FSTL4: variants seen among roughly 807,000 people sequenced by gnomAD.
FSTL4 encodes the protein follistatin-related protein 4.
Under a neutral mutation model 78.2 loss-of-function variants are expected in FSTL4, and 28 were observed. The ratio of observed to expected loss-of-function variants is 0.36; its 90% CI spans 0.27 to 0.49. FSTL4 has a LOEUF of 0.49. FSTL4 is among the 20% of genes least tolerant of loss of function. The probability of loss-of-function intolerance (pLI) is 0.98; values close to 1 mark genes in which losing one functional copy is unlikely to be tolerated. For missense variants in FSTL4, 922 were observed against 1,084.9 expected, an observed-to-expected ratio of 0.85 and a Z score of 2.11; for synonymous variants, 422 against 440.5, an observed-to-expected ratio of 0.96 and a Z score of 0.53.
At chr5:133,282,891 C>G (rs1753041392) in intron 6 of FSTL4, among the ~76,000 whole-genome samples, 2 of 152,228 alleles carry the variant, frequency 1.3e-5, no homozygotes, top group South Asian at 4.1e-4. Context: ...AGACAACTTT[C>G]TCTAAACAAA....
the FSTL4 span, among the ~76,000 whole-genome samples, chr5:133,682,429 G>T: frequency 6.6e-6 from 1 of 152,216 alleles, no homozygotes; most frequent in African/African-American, 2.4e-5. Flanking sequence ...ATAGCATAAA[G>T]CCCCCATGTG....
the FSTL4 span, among the ~76,000 whole-genome samples, chr5:133,689,013 G>A: frequency 4.6e-5 from 7 of 152,222 alleles, no homozygotes; most frequent in East Asian, 5.8e-4. Flanking sequence ...GCAGAGCGTC[G>A]CTAAGACTCT....
At chr5:133,475,543 A>T (rs1478802966) in intron 3 of FSTL4, among the ~76,000 whole-genome samples, 1 of 152,206 alleles carries the variant, frequency 6.6e-6, no homozygotes, top group Admixed American at 6.5e-5. Flanking sequence ...ATTTATTTTC[A>T]ATAGCCCTGC....
intron 6 of FSTL4, among the ~76,000 whole-genome samples, chr5:133,295,647 C>T (rs540913562): frequency 2.6e-5 from 4 of 152,244 alleles, no homozygotes; most frequent in East Asian, 1.9e-4. Flanking sequence ...CCTTTCAAGC[C>T]GAAGACCTCC....
chr5:133,675,007 A>G, the FSTL4 span, among the ~76,000 whole-genome samples: 3 of 151,186 alleles, frequency 2.0e-5, no homozygotes, highest in African/African-American at 7.3e-5. Flanking sequence ...GGTGACACAC[A>G]ATGAAGAATC....
chr5:133,758,612 A>G, the FSTL4 span, among the ~76,000 whole-genome samples: 612 of 152,370 alleles, frequency 4.0e-3, 6 homozygotes, highest in African/African-American at 0.014. Context: ...ATTGATATTC[A>G]TTATAAATAA....
intron 2 of FSTL4, chr5:133,583,309 A>C: frequency 9.6e-6 from 4 of 416,360 alleles, no homozygotes; most frequent in South Asian, 6.6e-5. Context: ...AGATGGCCGA[A>C]TAGGAACAGC....
At chr5:133,701,370 T>C in the FSTL4 span, among the ~76,000 whole-genome samples, 9 of 134,690 alleles carry the variant, frequency 6.7e-5, no homozygotes, top group Admixed American at 4.7e-4. Flanking sequence ...GCCACTGCAC[T>C]CCAGCCCGGG....
In FSTL4 at chr5:133,225,197, T is replaced by A. The variant is rs776063078; in HGVS notation, c.1265A>T (p.Asp422Val). Reference protein sequence around the residue: ...TCIAKNEVGVDEDISSLFIED... With the variant: ...TCIAKNEVGVVEDISSLFIED... Reference sequence around the variant, plus strand: ...AATGAAGAGCGAGGAGATATCTTCATCCACACCCACTTCATTTTTGGCAAT... The same window carrying A: ...AATGAAGAGCGAGGAGATATCTTCAACCACACCCACTTCATTTTTGGCAAT... Residue 422 changes from aspartate to valine, a missense_variant, in exon 10 of 16, where the codon GAT becomes GTT. By Grantham distance (152) the Asp-to-Val change is radical (BLOSUM62 -3). Coordinates refer to ENST00000265342, the MANE Select transcript of FSTL4 (RefSeq NM_015082.2). The surrounding 1 kb of genome is among the most constrained non-coding windows in gnomAD (Gnocchi z 4.6). 64 of 1,614,206 alleles carry A rather than the reference T, an allele frequency of 4.0e-5. No individual in the cohort carries two copies. Among genetic ancestry groups the A allele is most frequent in the Non-Finnish European group, 5.3e-5 (63 of 1,180,024 alleles).
At chr5:133,650,249 GGAACCAAACTTCAACAT>G in the FSTL4 span, among the ~76,000 whole-genome samples, 1 of 152,052 alleles carries the variant, frequency 6.6e-6, no homozygotes, top group African/African-American at 2.4e-5. Context: ...CCCAACATCA[GGAACCAAACTTCAACAT>G]GAAGTTTGAG....
At chr5:133,229,583 T>A (rs1349785328) in intron 8 of FSTL4, among the ~76,000 whole-genome samples, 1 of 151,560 alleles carries the variant, frequency 6.6e-6, no homozygotes, top group Non-Finnish European at 1.5e-5. Context: ...GAAGAAAAAA[T>A]ATCCAAGAAC....
intron 6 of FSTL4, among the ~76,000 whole-genome samples, chr5:133,252,856 T>C (rs998136249): frequency 1.3e-5 from 2 of 152,148 alleles, no homozygotes; most frequent in Non-Finnish European, 2.9e-5. Context: ...GTCCCTCCGG[T>C]CCTCTGCTGG....
chr5:133,600,927 GGAAATAAGACTGTCTGCA>G (rs1239883799), intron 2 of FSTL4, among the ~76,000 whole-genome samples: 2 of 152,198 alleles, frequency 1.3e-5, no homozygotes, highest in Non-Finnish European at 2.9e-5. Flanking sequence ...GATTCTTCCA[GGAAATAAGACTGTCTGCA>G]GAAACTGCTA....
At chr5:133,689,005 A>G in the FSTL4 span, among the ~76,000 whole-genome samples, 55 of 152,298 alleles carry the variant, frequency 3.6e-4, no homozygotes, top group East Asian at 6.6e-3. Flanking sequence ...TGCTGCAGGC[A>G]GAGCGTCGCT....
At chr5:133,735,450 G>A in the FSTL4 span, among the ~76,000 whole-genome samples, 5 of 152,092 alleles carry the variant, frequency 3.3e-5, no homozygotes, top group South Asian at 2.1e-4. Flanking sequence ...GTGACAGAGC[G>A]AGACACCATC....
At chr5:133,374,287 C>T (rs1194533880) in intron 4 of FSTL4, among the ~76,000 whole-genome samples, 1 of 152,096 alleles carries the variant, frequency 6.6e-6, no homozygotes, top group Non-Finnish European at 1.5e-5. Flanking sequence ...ACGAGAAGTC[C>T]CTTTCTGGAC....
intron 3 of FSTL4, chr5:133,458,379 C>T (rs188987770): frequency 2.6e-5 from 4 of 152,324 alleles, no homozygotes; most frequent in Non-Finnish European, 4.4e-5. Flanking sequence ...GTTTTACAAT[C>T]CCAGCTGTGT....
the FSTL4 span, among the ~76,000 whole-genome samples, chr5:133,821,601 G>C: frequency 6.6e-6 from 1 of 152,188 alleles, no homozygotes; most frequent in Admixed American, 6.5e-5. Context: ...GCTCAGGGGT[G>C]AGAGGTGCTA....
chr5:133,331,962 G>T (rs1010314238), intron 4 of FSTL4, among the ~76,000 whole-genome samples: 1 of 152,196 alleles, frequency 6.6e-6, no homozygotes, highest in Non-Finnish European at 1.5e-5. Context: ...TGTGAAAGTC[G>T]GTGCCAGGCG....
Sources: gnomAD v4.1 joint callset for allele counts (sites outside exome capture counted in the v4.1 genomes callset) on GRCh38, gnomAD v4.1.1 for gene constraint, Gnocchi (gnomAD v3.1) non-coding constraint, MANE v1.5 for transcripts, NCBI Gene and HGNC (gene_info 2026-07-23, HGNC 2026-07-21) for gene names.